ZSCAN5A: variants seen among roughly 807,000 people sequenced by gnomAD.
ZSCAN5A encodes the protein zinc finger and SCAN domain containing 5A, also known as zinc finger and SCAN domain-containing protein 5A.
In ZSCAN5A, 12 loss-of-function variants were observed where a neutral mutation model predicts 23.7. The ratio of observed to expected loss-of-function variants is 0.51; its 90% confidence interval spans 0.32 to 0.82. The LOEUF (loss-of-function observed/expected upper bound fraction) is 0.82, where lower values mean the gene tolerates loss of function less well. Among genes scored for constraint, ZSCAN5A ranks in the 40% least tolerant of loss-of-function variants. The pLI, the probability that ZSCAN5A is intolerant of heterozygous loss-of-function variation, is 0.03. For missense variants in ZSCAN5A, 597 were observed against 617.9 expected, an observed-to-expected ratio of 0.97 and a Z score of 0.36; for synonymous variants, 257 against 239.9, an observed-to-expected ratio of 1.07 and a Z score of -0.66.
chr19:56,319,565 G>T (rs1485392911), upstream of ZSCAN5A, among the ~76,000 whole-genome samples: 10 of 147,512 alleles, frequency 6.8e-5, no homozygotes, highest in African/African-American at 2.5e-4. Flanking sequence ...GTAATGGCTT[G>T]AAATCAGTTC....
chr19:56,356,341 GAAGA>G (rs1279687967), intron 2 of ZSCAN5A, among the ~76,000 whole-genome samples: 1 of 148,788 alleles, frequency 6.7e-6, no homozygotes, highest in Non-Finnish European at 1.5e-5. Flanking sequence ...ACAGAAGCGA[GAAGA>G]AAGGCAGTTG....
At chr19:56,293,566 C>T (rs984843713) in intron 2 of ZSCAN5A, among the ~76,000 whole-genome samples, 1 of 152,204 alleles carries the variant, frequency 6.6e-6, no homozygotes, top group Admixed American at 6.5e-5. Context: ...TTTCTAGTTC[C>T]GTGGGCTTCG....
intron 2 of ZSCAN5A, among the ~76,000 whole-genome samples, chr19:56,330,084 G>GT (rs1163518147): frequency 2.0e-4 from 31 of 152,208 alleles, no homozygotes; most frequent in African/African-American, 6.7e-4. Context: ...AACATGCAGT[G>GT]TTTGGTTTTC....
chr19:56,267,992 C>A (rs778816541), intron 2 of ZSCAN5A, among the ~76,000 whole-genome samples: 1 of 152,198 alleles, frequency 6.6e-6, no homozygotes, highest in Non-Finnish European at 1.5e-5. Context: ...TCTATGATTT[C>A]AGAGCCTGGC....
At chr19:56,278,660 G>A (rs549110386) in intron 2 of ZSCAN5A, among the ~76,000 whole-genome samples, 68 of 152,356 alleles carry the variant, frequency 4.5e-4, no homozygotes, top group African/African-American at 1.6e-3. Flanking sequence ...GCAAGCTGCA[G>A]AACCAGGAGG....
intron 2 of ZSCAN5A, chr19:56,283,313 A>T (rs1270996808): frequency 6.6e-6 from 1 of 152,190 alleles, no homozygotes; most frequent in Non-Finnish European, 1.5e-5. Flanking sequence ...ACTAAATGTT[A>T]CCTTGAGCCA....
At chr19:56,362,022 G>A (rs891583928) in intron 2 of ZSCAN5A, among the ~76,000 whole-genome samples, 6 of 151,830 alleles carry the variant, frequency 4.0e-5, no homozygotes, top group African/African-American at 7.3e-5. Flanking sequence ...GCTGGGCGGG[G>A]TGGCGGGCAC....
At chr19:56,329,612 TATTGAA>T (rs2041471222) in intron 2 of ZSCAN5A, among the ~76,000 whole-genome samples, 1 of 151,880 alleles carries the variant, frequency 6.6e-6, no homozygotes, top group African/African-American at 2.4e-5. Flanking sequence ...GAGTAGAAAT[TATTGAA>T]ATTGAAAATA....
At position 56,267,406 on chromosome 19, in the gene ZSCAN5A, G is replaced by A. The variant is rs147292892; in HGVS notation, c.-127-42233C>T. 5.2e-3 allele frequency among the ~76,000 whole-genome samples: 788 copies of A among 152,202 alleles called. 10 individuals carry two copies. Among genetic ancestry groups the A allele is most frequent in the African/African-American group, 0.017 (720 of 41,532 alleles). On this transcript the variant is annotated intron_variant, in intron 2 of 5. Coordinates refer to ENST00000683990, the MANE Select transcript of ZSCAN5A (RefSeq NM_001322064.3). Reference sequence around the variant, plus strand: ...ATATAGTCTATTAAGGCTGAGAGGCGCTTAGTATCATGATTTAGAGCAGCA... The same window carrying A: ...ATATAGTCTATTAAGGCTGAGAGGCACTTAGTATCATGATTTAGAGCAGCA...
chr19:56,252,930 G>A (rs924998143), intron 2 of ZSCAN5A, among the ~76,000 whole-genome samples: 5 of 152,248 alleles, frequency 3.3e-5, no homozygotes, highest in Admixed American at 2.6e-4. Context: ...CATAACAGGA[G>A]CAAGAAGAAA....
At chr19:56,355,744 T>A (rs1302537358) in intron 2 of ZSCAN5A, among the ~76,000 whole-genome samples, 1 of 148,864 alleles carries the variant, frequency 6.7e-6, no homozygotes, top group Non-Finnish European at 1.5e-5. Context: ...GATCCTTCCA[T>A]GTATTTGTTC....
In ZSCAN5A at chr19:56,224,212, C is replaced by A. The variant is rs2033651473; in HGVS notation, c.385-378G>T. 1.1e-5 allele frequency: 3 copies of A among 263,118 alleles called. No homozygotes were observed. In the South Asian group the frequency reaches 2.2e-4, roughly 20 times the overall value. 16.3% of individuals were successfully genotyped at this position (263,118 alleles called of 1,614,324 possible). A position where few individuals can be genotyped will look rare whatever the true frequency, so the allele number is the denominator to read the frequency against. ...TGGGGGCAGATCCCTGCATCTGATA[C>A]CAACCACTTTCCCTGCTTCAGGATG... is the stretch of plus-strand genomic sequence containing the variant. On this transcript the variant is annotated intron_variant, in intron 3 of 5. Coordinates refer to ENST00000683990, the MANE Select transcript of ZSCAN5A (RefSeq NM_001322064.3).
intron 1 of ZSCAN5A, among the ~76,000 whole-genome samples, chr19:56,364,595 T>C (rs2041753756): frequency 6.6e-6 from 1 of 152,170 alleles, no homozygotes; most frequent in Admixed American, 6.5e-5. Flanking sequence ...CTACCTCTAT[T>C]ACAAGAGAAA....
chr19:56,233,739 A>G (rs2034658147), intron 2 of ZSCAN5A, among the ~76,000 whole-genome samples: 1 of 150,848 alleles, frequency 6.6e-6, no homozygotes, highest in South Asian at 2.1e-4. Flanking sequence ...TTTGCCATAA[A>G]TATCAGCAGA....
chr19:56,285,990 C>T (rs1309155216), intron 2 of ZSCAN5A, among the ~76,000 whole-genome samples: 1 of 152,122 alleles, frequency 6.6e-6, no homozygotes, highest in African/African-American at 2.4e-5. Context: ...CTTGTTTCCC[C>T]ACACCTTCAG....
intron 2 of ZSCAN5A, among the ~76,000 whole-genome samples, chr19:56,360,032 C>T (rs2041724734): frequency 6.6e-6 from 1 of 152,164 alleles, no homozygotes; most frequent in Non-Finnish European, 1.5e-5. Context: ...GATGCCCTCT[C>T]TCACCACTCT....
chr19:56,298,882 C>T (rs966626702), intron 2 of ZSCAN5A, among the ~76,000 whole-genome samples: 3 of 152,096 alleles, frequency 2.0e-5, no homozygotes, highest in Non-Finnish European at 4.4e-5. Flanking sequence ...CTGACAAATA[C>T]GACAAAGGAA....
At chr19:56,349,358 A>G (rs2041653060) in intron 2 of ZSCAN5A, among the ~76,000 whole-genome samples, 1 of 152,106 alleles carries the variant, frequency 6.6e-6, no homozygotes, top group African/African-American at 2.4e-5. Context: ...TGAGGAAGCA[A>G]CCCCTGACGG....
intron 2 of ZSCAN5A, among the ~76,000 whole-genome samples, chr19:56,248,497 G>T (rs2036113952): frequency 6.6e-6 from 1 of 152,138 alleles, no homozygotes; most frequent in African/African-American, 2.4e-5. Flanking sequence ...GAGTTCAAGT[G>T]ATCTGCCTGC....
Sources: gnomAD v4.1 joint callset for allele counts (sites outside exome capture counted in the v4.1 genomes callset) on GRCh38, gnomAD v4.1.1 for gene constraint, MANE v1.5 for transcripts, NCBI Gene and HGNC (gene_info 2026-07-23, HGNC 2026-07-21) for gene names.